ALG9: variants seen among roughly 807,000 people sequenced by gnomAD.
ALG9 encodes the protein ALG9 alpha-1,2-mannosyltransferase.
Under a neutral mutation model 81.8 loss-of-function variants are expected in ALG9, and 55 were observed. The observed-to-expected ratio is 0.67, with a 90% CI of 0.54 to 0.84. The LOEUF (loss-of-function observed/expected upper bound fraction) is 0.84. ALG9 is among the 40% of genes least tolerant of loss of function. The pLI is 0.00. For missense variants in ALG9, 629 were observed against 745.0 expected (o/e 0.84, Z 1.81); for synonymous variants, 278 against 274.3 (o/e 1.01, Z -0.13).
At chr11:111,862,846 T>A (rs1566229712) in intron 4 of ALG9, among the ~76,000 whole-genome samples, 1 of 152,112 alleles carries the variant, frequency 6.6e-6, no homozygotes, top group African/African-American at 2.4e-5. Context: ...TACATTATAT[T>A]CCTATTTCCC....
intron 11 of ALG9, 21 bp from the exon 12 acceptor site, chr11:111,837,636 T>C: frequency 1.2e-6 from 2 of 1,613,292 alleles, no homozygotes; most frequent in African/African-American, 2.7e-5. Context: ...GAACAGTTAG[T>C]GAGAGCCAGA....
At chr11:111,830,655 C>T (rs1555112783) in intron 13 of ALG9, among the ~76,000 whole-genome samples, 2 of 152,024 alleles carry the variant, frequency 1.3e-5, no homozygotes, top group East Asian at 1.9e-4. Context: ...AGACTGATAA[C>T]AATTAGTGAG....
At chr11:111,854,095 CTTTT>C (rs34575358) in intron 6 of ALG9, among the ~76,000 whole-genome samples, 1 of 117,776 alleles carries the variant, frequency 8.5e-6, no homozygotes, top group Non-Finnish European at 1.7e-5. Flanking sequence ...TTATTACAGA[CTTTT>C]TTTTTTTTTT....
At chr11:111,790,749 G>A (rs920157885) in intron 14 of ALG9, among the ~76,000 whole-genome samples, 3 of 152,166 alleles carry the variant, frequency 2.0e-5, no homozygotes, top group African/African-American at 7.2e-5. Flanking sequence ...CCAGGAATCA[G>A]GGAAATGCAA....
At chr11:111,820,456 A>G (rs1189501625) in intron 13 of ALG9, among the ~76,000 whole-genome samples, 7 of 152,210 alleles carry the variant, frequency 4.6e-5, no homozygotes, top group African/African-American at 1.7e-4. Flanking sequence ...ATTGTTTTAC[A>G]AGGCACTGAC....
At chr11:111,776,595 A>AAAAAC in the ALG9 span, among the ~76,000 whole-genome samples, 12 of 152,214 alleles carry the variant, frequency 7.9e-5, no homozygotes, top group Non-Finnish European at 1.6e-4. Context: ...CTCAAAAAAC[A>AAAAAC]AAAACAAAAC....
intron 8 of ALG9, among the ~76,000 whole-genome samples, chr11:111,851,353 C>A (rs976567066): frequency 6.6e-6 from 1 of 151,934 alleles, no homozygotes; most frequent in African/African-American, 2.4e-5. Context: ...GTGGCGGGCG[C>A]CTATAATTCC....
chr11:111,771,642 G>A, the ALG9 span, among the ~76,000 whole-genome samples: 1 of 152,194 alleles, frequency 6.6e-6, no homozygotes, highest in African/African-American at 2.4e-5. Flanking sequence ...TCAAGGGAGT[G>A]GTGGATGACA....
At chr11:111,811,034 T>C (rs1220649868) in intron 13 of ALG9, among the ~76,000 whole-genome samples, 2 of 152,182 alleles carry the variant, frequency 1.3e-5, no homozygotes, top group African/African-American at 4.8e-5. Flanking sequence ...AACTCATTCA[T>C]CACAATGATA....
At chr11:111,871,282 A>G in intron 1 of ALG9, 70 bp downstream of exon 1, 2 of 1,363,060 alleles carry the variant, frequency 1.5e-6, no homozygotes, top group Non-Finnish European at 1.9e-6. Context: ...CGCCACAGCT[A>G]AGACCCTCCC....
intron 13 of ALG9, among the ~76,000 whole-genome samples, chr11:111,823,116 G>A (rs557529399): frequency 1.3e-5 from 2 of 152,286 alleles, no homozygotes; most frequent in African/African-American, 4.8e-5. Flanking sequence ...ATTTGCATCA[G>A]GAAATGGGAC....
At position 111,857,648 on chromosome 11, in the gene ALG9, C is replaced by T. The variant is rs781835434; in HGVS notation, c.655G>A (p.Val219Ile). 3 of 1,614,170 alleles carry T rather than the reference C, an allele frequency of 1.9e-6. No individual in the cohort carries two copies. Among genetic ancestry groups the T allele is most frequent in the African/African-American group, 1.3e-5 (1 of 75,042 alleles). The change falls in exon 6 of 15, where the codon GTA (valine) becomes ATA (isoleucine). Residue 219 changes from valine to isoleucine, a missense_variant. Transcript: ENST00000616540. ...CAGCCTAAGATAGCCCCAGCTGCTA[C>T]TCCCAGCACAGCAATGGAAGTCTTG... Reference protein sequence around the residue: ...MDKTSIAVLGVAAGAILGWPF... With the variant: ...MDKTSIAVLGIAAGAILGWPF...
chr11:111,812,928 A>AAAAAAG (rs1227683474), intron 13 of ALG9, among the ~76,000 whole-genome samples: 1 of 130,040 alleles, frequency 7.7e-6, no homozygotes, highest in Non-Finnish European at 1.7e-5. Flanking sequence ...AAAAAAAAAA[A>AAAAAAG]AAAAAGAAAT....
At chr11:111,867,629 A>C (rs1555154537) in intron 3 of ALG9, among the ~76,000 whole-genome samples, 1 of 152,216 alleles carries the variant, frequency 6.6e-6, no homozygotes, top group African/African-American at 2.4e-5. Context: ...TGGAAGACAG[A>C]AGAAAAGAAA....
At position 111,844,317 on chromosome 11, in the gene ALG9, T is replaced by C. The variant is rs548036342; in HGVS notation, c.1018+284A>G. On this transcript the variant is annotated intron_variant, in intron 9 of 14. Transcript: ENST00000616540. ...CCGCGCCCGGCCTCCTTCTGAGATT[T>C]TATAAATATTTTTACTTCCCTGGGT... Among the ~76,000 whole-genome samples, 9 of 152,312 alleles carry C rather than the reference T, an allele frequency of 5.9e-5. No homozygotes were observed. The South Asian group carries it at 1.9e-3, about 32-fold the overall frequency.
chr11:111,796,130 T>C (rs1948249657), intron 14 of ALG9, among the ~76,000 whole-genome samples: 1 of 152,230 alleles, frequency 6.6e-6, no homozygotes, highest in African/African-American at 2.4e-5. Flanking sequence ...AATTCAATAA[T>C]CTTTATTTTA....
intron 11 of ALG9, 83 bp from the exon 12 acceptor site, chr11:111,837,698 C>G: frequency 6.8e-7 from 1 of 1,474,494 alleles, no homozygotes; most frequent in Admixed American, 1.8e-5. Context: ...TAATGTCGCA[C>G]TGTAAGCCAC....
downstream of ALG9, among the ~76,000 whole-genome samples, chr11:111,777,948 A>C (rs1359000564): frequency 6.6e-6 from 1 of 152,212 alleles, no homozygotes; most frequent in Non-Finnish European, 1.5e-5. Context: ...CTCGTGTCTG[A>C]GGGCAGTGGC....
intron 13 of ALG9, among the ~76,000 whole-genome samples, chr11:111,832,338 A>T (rs1954516510): frequency 6.6e-6 from 1 of 152,122 alleles, no homozygotes; most frequent in Non-Finnish European, 1.5e-5. Context: ...GTGTAGTGGC[A>T]TGACTGTAGC....
Sources: gnomAD v4.1 joint callset for allele counts (sites outside exome capture counted in the v4.1 genomes callset) on GRCh38, gnomAD v4.1.1 for gene constraint, MANE v1.5 for transcripts, NCBI Gene and HGNC (gene_info 2026-07-23, HGNC 2026-07-21) for gene names.